The following SLC39A14 variants were observed in gnomAD, a reference collection of about 807,000 sequenced individuals.
SLC39A14 encodes metal cation symporter ZIP14.
SLC39A14 carries 19 observed loss-of-function variants against 45.5 expected under a neutral mutation model. The ratio of observed to expected loss-of-function variants is 0.42; its 90% CI spans 0.29 to 0.61. SLC39A14 has a LOEUF of 0.61. SLC39A14 is among the 20% of genes least tolerant of loss of function. The pLI is 0.22. For synonymous variants in SLC39A14, 264 were observed against 251.3 expected (o/e 1.05, Z -0.48); for missense variants, 447 against 616.5 (o/e 0.73, Z 2.91).
chr8:22,387,889 G>A (rs1162620438), intron 1 of SLC39A14, among the ~76,000 whole-genome samples: 1 of 152,202 alleles, frequency 6.6e-6, no homozygotes, highest in Admixed American at 6.5e-5. Flanking sequence ...CCTGAGGTTG[G>A]GAGTTTAAGA....
chr8:22,415,037 G>C, intron 5 of SLC39A14, 135 bp downstream of exon 5: 2 of 1,083,198 alleles, frequency 1.8e-6, no homozygotes, highest in Non-Finnish European at 2.6e-6. Flanking sequence ...ATTTCTTGAG[G>C]AGACAATCCC....
Position 22,417,688 on chromosome 8 carries a change from C to A in SLC39A14, c.1185C>A (p.Ile395=), listed in dbSNP as rs757110937. ...TCCTGCTCAACGCTGGGATGAGCAT[C>A]CAACAAGCTCTCTTCTTCAACTTCC... ...FVILLNAGMS[I]QQALFFNFLS... The change falls in exon 8 of 9, where the codon ATC becomes ATA. Residue 395 remains isoleucine, a synonymous_variant. Transcript: ENST00000381237. 2.5e-6 allele frequency: 4 copies of A among 1,614,150 alleles called. No individual in the cohort carries two copies. The Admixed American group carries it at 6.7e-5, about 27-fold the overall frequency.
At chr8:22,368,934 G>A (rs942609333) in intron 1 of SLC39A14, among the ~76,000 whole-genome samples, 4 of 152,124 alleles carry the variant, frequency 2.6e-5, no homozygotes, top group East Asian at 1.9e-4. Context: ...CCTGAAAAGC[G>A]AAGTCCAGAC....
intron 3 of SLC39A14, among the ~76,000 whole-genome samples, chr8:22,409,086 G>A (rs1174823724): frequency 6.6e-6 from 1 of 152,178 alleles, no homozygotes; most frequent in East Asian, 1.9e-4. Context: ...CTCCCAAAGT[G>A]CTGGGATCAC....
At chr8:22,415,337 T>G in intron 5 of SLC39A14, 1 of 211,244 alleles carries the variant, frequency 4.7e-6, no homozygotes, top group Non-Finnish European at 9.3e-6. Context: ...TTGAGTGAGA[T>G]TAGCCATTGC....
At position 22,367,476 on chromosome 8, in the gene SLC39A14, G is replaced by A. The variant is rs1464132536; in HGVS notation, c.-16+68G>A. 1 of 152,182 alleles carries A rather than the reference G, an allele frequency of 6.6e-6. No individual in the cohort carries two copies. Among genetic ancestry groups the A allele is most frequent in the Non-Finnish European group, 1.5e-5 (1 of 68,072 alleles). 9.4% of individuals were successfully genotyped at this position (152,182 alleles called of 1,614,324 possible). On this transcript the variant is annotated intron_variant, in intron 1 of 8. Coordinates refer to ENST00000381237, the MANE Select transcript of SLC39A14 (RefSeq NM_001128431.4). The surrounding 1 kb of genome is among the most constrained non-coding windows in gnomAD (Gnocchi z 4.2). ...GAGGAGCCCCGCACCCCAGGCTGGGGCAGTGGGTGGGGGCGGGGACAGCCC... is the reference window on the plus strand; with the variant it reads ...GAGGAGCCCCGCACCCCAGGCTGGGACAGTGGGTGGGGGCGGGGACAGCCC...
intron 1 of SLC39A14, among the ~76,000 whole-genome samples, chr8:22,380,772 G>C (rs1217826854): frequency 6.6e-6 from 1 of 151,762 alleles, no homozygotes; most frequent in Non-Finnish European, 1.5e-5. Context: ...GACCTCCCGG[G>C]CTCAAGTGAT....
rs542622074 is a variant in SLC39A14, at chr8:22,418,377, A to G, written c.1332+542A>G. Among the ~76,000 whole-genome samples the G allele has an allele frequency of 6.6e-5, 10 of 152,294 alleles. No individual in the cohort carries two copies. The South Asian group carries it at 8.3e-4, about 13-fold the overall frequency. On this transcript the variant is annotated intron_variant, in intron 8 of 8. Coordinates refer to ENST00000381237, the MANE Select transcript of SLC39A14 (RefSeq NM_001128431.4). ...TAAAGAAAATGATTATAATTTATCT[A>G]TGGTCTTTATTAATTATTATGGAAT...
chr8:22,414,947 C>T (rs762951662), intron 5 of SLC39A14, 45 bp downstream of exon 5: 2 of 1,600,236 alleles, frequency 1.2e-6, no homozygotes, highest in South Asian at 1.1e-5. Context: ...AGGGAAAACA[C>T]CCATCTCAAA....
intron 1 of SLC39A14, among the ~76,000 whole-genome samples, chr8:22,400,007 C>T (rs1834761894): frequency 6.6e-6 from 1 of 152,166 alleles, no homozygotes; most frequent in Non-Finnish European, 1.5e-5. Flanking sequence ...TACCTAGGGC[C>T]GTCCCCTCAT....
chr8:22,372,955 C>T (rs1833011190), intron 1 of SLC39A14, among the ~76,000 whole-genome samples: 1 of 151,732 alleles, frequency 6.6e-6, no homozygotes, highest in East Asian at 1.9e-4. Flanking sequence ...GGCGATTACA[C>T]GTTAACATTA....
Position 22,420,077 on chromosome 8 carries a change from T to C in SLC39A14, c.*379T>C. ...CAAAAATAGAGCCAATGGTTATAAC[T>C]TGGCTAGAAATATCAAGAGTTGAAT... On this transcript the variant is annotated 3_prime_UTR_variant, in exon 9 of 9. Transcript: ENST00000381237. 1 of 998,104 alleles carries C rather than the reference T, an allele frequency of 1.0e-6. No homozygotes were observed. The highest frequency in any genetic ancestry group is 5.7e-5 in the Admixed American group (1 of 17,400). The allele number at this position is 998,104 out of a possible 1,614,324, so 61.8% of individuals were successfully genotyped here.
chr8:22,424,540 C>T (rs1278979258), downstream of SLC39A14, among the ~76,000 whole-genome samples: 1 of 152,210 alleles, frequency 6.6e-6, no homozygotes, highest in Non-Finnish European at 1.5e-5. Context: ...CACTGCCCTT[C>T]AGCTCCTGAC....
chr8:22,404,974 C>T lies in SLC39A14; in HGVS notation c.264C>T (p.Leu88=), dbSNP rs1835127219. ...VTQHVQGHRN[L]STCFSSGDLF... is the part of the protein sequence containing the mutation. Reference sequence around the variant, plus strand: ...AGCACGTGCAAGGACACAGGAACCTCTCCACGGTAAGGCTCCCCTGTGAGC... The same window carrying T: ...AGCACGTGCAAGGACACAGGAACCTTTCCACGGTAAGGCTCCCCTGTGAGC... The change falls in exon 2 of 9, where the codon CTC becomes CTT. Residue 88 remains leucine, a synonymous_variant. Coordinates refer to ENST00000381237, the MANE Select transcript of SLC39A14 (RefSeq NM_001128431.4). 6.2e-7 allele frequency: 1 copy of T among 1,613,434 alleles called. No homozygotes were observed. Among genetic ancestry groups the T allele is most frequent in the Non-Finnish European group, 8.5e-7 (1 of 1,179,710 alleles).
rs1260551804 is a variant in SLC39A14 at position 22,416,093 on chromosome 8, T to C, written c.960T>C (p.Ser320=). The C allele has an allele frequency of 6.2e-7, 1 of 1,613,952 alleles. No homozygotes were observed. The highest frequency in any genetic ancestry group is 1.1e-5 in the South Asian group (1 of 91,068). ...CCTAGGACCTGCAGGCTTCCCAGAGTGCTTGCTACTGGCTGAAAGGTGTCC... is the reference window on the plus strand; with the variant it reads ...CCTAGGACCTGCAGGCTTCCCAGAGCGCTTGCTACTGGCTGAAAGGTGTCC... ...LSVQDLQASQ[S]ACYWLKGVRY... Residue 320 remains serine, a synonymous_variant, in exon 7 of 9, where the codon AGT becomes AGC. Coordinates refer to ENST00000381237, the MANE Select transcript of SLC39A14 (RefSeq NM_001128431.4).
intron 1 of SLC39A14, among the ~76,000 whole-genome samples, chr8:22,384,028 C>T (rs1004464541): frequency 2.6e-5 from 4 of 152,190 alleles, no homozygotes; most frequent in African/African-American, 7.2e-5. Context: ...CCCAGCTCCT[C>T]GGCCGCCCCC....
chr8:22,388,642 T>C (rs962761545), intron 1 of SLC39A14, among the ~76,000 whole-genome samples: 2 of 151,958 alleles, frequency 1.3e-5, no homozygotes, highest in Admixed American at 1.3e-4. Flanking sequence ...AGTGTTTCTT[T>C]CTGTTCAGGA....
intron 1 of SLC39A14, among the ~76,000 whole-genome samples, chr8:22,383,801 C>A (rs560867232): frequency 6.6e-6 from 1 of 152,330 alleles, no homozygotes; most frequent in East Asian, 1.9e-4. Flanking sequence ...TATCTGTATT[C>A]CAATTCCAAT....
In SLC39A14 at chr8:22,421,434, G is replaced by A. The variant is rs924360230; in HGVS notation, c.*1736G>A. On this transcript the variant is annotated 3_prime_UTR_variant, in exon 9 of 9. Transcript: ENST00000381237. ...TTGGCTTCAATACATTTGAGAATAC[G>A]CTGAAGAGGGAAAATTTCAGTGATG... 10 of 985,564 alleles carry A rather than the reference G, an allele frequency of 1.0e-5. No homozygotes were observed. The highest frequency in any genetic ancestry group is 1.7e-5 in the African/African-American group (1 of 57,204). 61.1% of individuals were successfully genotyped at this position (985,564 alleles called of 1,614,324 possible).
Sources: allele counts gnomAD v4.1 joint callset (sites outside exome capture counted in the v4.1 genomes callset), GRCh38; gene constraint gnomAD v4.1.1; non-coding constraint Gnocchi (gnomAD v3.1); transcripts MANE v1.5; gene names NCBI Gene and HGNC (gene_info 2026-07-23, HGNC 2026-07-21).